Variants in PIK3C2G observed in about 807,000 individuals in gnomAD.
The protein encoded by PIK3C2G is phosphatidylinositol 3-kinase C2 domain-containing subunit gamma.
A neutral mutation model predicts 181.1 loss-of-function variants in PIK3C2G; 168 were observed. The ratio of observed to expected loss-of-function variants is 0.93; its 90% confidence interval spans 0.82 to 1.05. The LOEUF is 1.05. Ranked by LOEUF, PIK3C2G falls within the 50% of genes least tolerant of loss-of-function variation. PIK3C2G has a pLI of 0.00. For synonymous variants in PIK3C2G, 573 were observed against 592.2 expected (o/e 0.97, Z 0.47); for missense variants, 1,869 against 1,732.8 (o/e 1.08, Z -1.40).
At chr12:18,584,255 T>G (rs1452868842) in intron 29 of PIK3C2G, among the ~76,000 whole-genome samples, 1 of 151,950 alleles carries the variant, frequency 6.6e-6, no homozygotes, top group Non-Finnish European at 1.5e-5. Context: ...TCTCCTGATC[T>G]CATGATCCGC....
intron 5 of PIK3C2G, among the ~76,000 whole-genome samples, chr12:18,300,234 G>C (rs1472144458): frequency 6.6e-6 from 1 of 151,724 alleles, no homozygotes; most frequent in African/African-American, 2.4e-5. Flanking sequence ...GTCTGTTCAG[G>C]TTTTCTGTTA....
At chr12:18,279,326 A>G (rs1281764199) in intron 1 of PIK3C2G, among the ~76,000 whole-genome samples, 4 of 152,056 alleles carry the variant, frequency 2.6e-5, no homozygotes, top group Non-Finnish European at 5.9e-5. Context: ...ACATGTGAAT[A>G]TCTACATATC....
intron 26 of PIK3C2G, among the ~76,000 whole-genome samples, chr12:18,551,900 T>C (rs569770572): frequency 4.3e-4 from 65 of 152,130 alleles, no homozygotes; most frequent in Non-Finnish European, 8.2e-4. Flanking sequence ...AGGCAAACTC[T>C]TTGACTTAAC....
chr12:18,349,537 T>C (rs1432602522), intron 11 of PIK3C2G, among the ~76,000 whole-genome samples: 1 of 152,156 alleles, frequency 6.6e-6, no homozygotes, highest in Non-Finnish European at 1.5e-5. Flanking sequence ...TGAGAATGTA[T>C]CTTACTTAGA....
chr12:18,508,545 G>T (rs565425430), intron 24 of PIK3C2G, among the ~76,000 whole-genome samples: 1 of 152,014 alleles, frequency 6.6e-6, no homozygotes, highest in South Asian at 2.1e-4. Flanking sequence ...GTGCTTATTT[G>T]TCCCACATTT....
chr12:18,604,324 C>A (rs1947895934), intron 30 of PIK3C2G, among the ~76,000 whole-genome samples: 2 of 152,104 alleles, frequency 1.3e-5, no homozygotes, highest in African/African-American at 4.8e-5. Flanking sequence ...GGTAAAAAGC[C>A]TTGTCCAACA....
At chr12:18,587,394 C>T (rs533739315) in intron 29 of PIK3C2G, among the ~76,000 whole-genome samples, 3 of 152,138 alleles carry the variant, frequency 2.0e-5, no homozygotes, top group Admixed American at 2.0e-4. Context: ...AAAGGAGTAG[C>T]ATTCCTATAC....
chr12:18,579,416 C>T (rs1440897941), intron 29 of PIK3C2G, among the ~76,000 whole-genome samples: 1 of 152,150 alleles, frequency 6.6e-6, no homozygotes, highest in African/African-American at 2.4e-5. Context: ...GATAAAGAGA[C>T]TTCTTTAAAG....
chr12:18,609,520 C>G lies in PIK3C2G; in HGVS notation c.4088-15C>G. The G allele has an allele frequency of 6.7e-7, 1 of 1,503,062 alleles. No homozygotes were observed. Among genetic ancestry groups the G allele is most frequent in the East Asian group, 2.4e-5 (1 of 42,338 alleles). 93.1% of individuals were successfully genotyped at this position (1,503,062 alleles called of 1,614,324 possible). A position where few individuals can be genotyped will look rare whatever the true frequency, so the allele number is the denominator to read the frequency against. On this transcript the variant is annotated splice_polypyrimidine_tract_variant and intron_variant, in intron 30 of 32. Transcript: ENST00000538779. ...TTTTCCAACTGAACTCACTGAAATT[C>G]TATTCTTTTATCAGGTGAGAAGTTT...
intron 18 of PIK3C2G, among the ~76,000 whole-genome samples, chr12:18,429,370 G>A (rs1226072110): frequency 6.6e-6 from 1 of 152,130 alleles, no homozygotes; most frequent in Non-Finnish European, 1.5e-5. Flanking sequence ...TCACTAGTTT[G>A]TGTTAACTTG....
intron 24 of PIK3C2G, among the ~76,000 whole-genome samples, chr12:18,522,975 C>T (rs752363289): frequency 6.6e-6 from 1 of 151,878 alleles, no homozygotes; most frequent in Admixed American, 6.6e-5. Context: ...TTTCAGATGT[C>T]CTGTCTTTGT....
the PIK3C2G span, among the ~76,000 whole-genome samples, chr12:18,685,861 CACACACACAT>C: frequency 4.1e-5 from 6 of 145,848 alleles, no homozygotes; most frequent in Non-Finnish European, 9.1e-5. Context: ...CACACACACA[CACACACACAT>C]ACAATAATAT....
intron 15 of PIK3C2G, 105 bp from the exon 16 acceptor site, chr12:18,399,554 A>G (rs1944122046): frequency 1.3e-5 from 7 of 556,316 alleles, no homozygotes; most frequent in Admixed American, 1.0e-4. Flanking sequence ...GTAAACTAAA[A>G]TAAAATTCAA....
intron 5 of PIK3C2G, among the ~76,000 whole-genome samples, chr12:18,309,257 T>C (rs1454379970): frequency 2.0e-5 from 3 of 151,850 alleles, no homozygotes; most frequent in African/African-American, 7.2e-5. Context: ...TTTAGACAAA[T>C]ATGTCCATTG....
In PIK3C2G at chr12:18,314,074, T is replaced by C. The variant is rs762617249; in HGVS notation, c.1137+10T>C. 33 of 1,420,396 alleles carry C rather than the reference T, an allele frequency of 2.3e-5. No individual in the cohort carries two copies. The highest frequency in any genetic ancestry group is 3.1e-5 in the Non-Finnish European group (32 of 1,025,552). The allele number at this position is 1,420,396 out of a possible 1,614,324, so 88.0% of individuals were successfully genotyped here. On this transcript the variant is annotated intron_variant, in intron 6 of 32. Coordinates refer to ENST00000538779, the MANE Select transcript of PIK3C2G (RefSeq NM_001288772.2). The stretch of plus-strand genomic sequence containing the variant: ...AAAGCTATCTCGAAAGGTAAGACTT[T>C]CTTAGCATTGGTTTCAATTGGCAAA...
intron 16 of PIK3C2G, among the ~76,000 whole-genome samples, chr12:18,408,691 G>A (rs754991947): frequency 1.3e-4 from 19 of 151,884 alleles, no homozygotes; most frequent in African/African-American, 3.4e-4. Context: ...CAGAATCTAC[G>A]AAGAACTTAA....
intron 15 of PIK3C2G, among the ~76,000 whole-genome samples, chr12:18,397,039 T>A (rs544865142): frequency 1.2e-4 from 18 of 151,992 alleles, no homozygotes; most frequent in African/African-American, 4.3e-4. Context: ...TTACAGCAAT[T>A]AAGATAATGT....
Position 18,520,377 on chromosome 12 carries a change from T to A in PIK3C2G, c.3323+14916T>A, listed in dbSNP as rs796710859. On this transcript the variant is annotated intron_variant, in intron 24 of 32. Coordinates refer to ENST00000538779, the MANE Select transcript of PIK3C2G (RefSeq NM_001288772.2). ...TCCAATCAGTCATAGCTTTGGTCTT[T>A]TTACATAGTCCCATATTTCTTGGAG... 2.8e-4 allele frequency among the ~76,000 whole-genome samples: 43 copies of A among 152,296 alleles called. 1 individual carries two copies. Among genetic ancestry groups the A allele is most frequent in the African/African-American group, 9.6e-4 (40 of 41,564 alleles).
At chr12:18,368,603 G>T (rs987051054) in intron 12 of PIK3C2G, among the ~76,000 whole-genome samples, 1 of 151,994 alleles carries the variant, frequency 6.6e-6, no homozygotes, top group African/African-American at 2.4e-5. Context: ...AATATCTGTC[G>T]TAATCTAGAA....
Sources: allele counts gnomAD v4.1 joint callset (sites outside exome capture counted in the v4.1 genomes callset), GRCh38; gene constraint gnomAD v4.1.1; transcripts MANE v1.5; gene names NCBI Gene and HGNC (gene_info 2026-07-23, HGNC 2026-07-21).